KIAA0232: variants seen among roughly 807,000 people sequenced by gnomAD.
The protein encoded by KIAA0232 is uncharacterized protein KIAA0232.
KIAA0232 carries 27 observed loss-of-function variants against 122.0 expected under a neutral mutation model. The observed-to-expected ratio is 0.22, with a 90% CI of 0.16 to 0.31. The LOEUF (loss-of-function observed/expected upper bound fraction) is 0.31. KIAA0232 is among the 10% of genes least tolerant of loss of function. KIAA0232 has a pLI of 1.00. For missense variants in KIAA0232, 1,551 were observed against 1,634.2 expected, an observed-to-expected ratio of 0.95 and a Z score of 0.88; for synonymous variants, 613 against 587.6, an observed-to-expected ratio of 1.04 and a Z score of -0.63.
At chr4:6,874,501 C>A (rs1052223820) in intron 8 of KIAA0232, among the ~76,000 whole-genome samples, 1 of 152,178 alleles carries the variant, frequency 6.6e-6, no homozygotes, top group African/African-American at 2.4e-5. Flanking sequence ...AGTGCCGTCC[C>A]AAACAGCAGT....
chr4:6,878,528 A>T (rs1289363796), intron 9 of KIAA0232, among the ~76,000 whole-genome samples: 6 of 152,132 alleles, frequency 3.9e-5, no homozygotes, highest in African/African-American at 7.2e-5. Flanking sequence ...AGGAGGAAAT[A>T]CTCCTCAAGA....
intron 4 of KIAA0232, among the ~76,000 whole-genome samples, chr4:6,847,872 A>G (rs1158200966): frequency 6.6e-6 from 1 of 151,430 alleles, no homozygotes; most frequent in Non-Finnish European, 1.5e-5. Flanking sequence ...TAAAAAAAAA[A>G]ACTACTTATA....
At chr4:6,843,414 T>C (rs556273249) in intron 4 of KIAA0232, among the ~76,000 whole-genome samples, 1 of 152,240 alleles carries the variant, frequency 6.6e-6, no homozygotes, top group African/African-American at 2.4e-5. Context: ...CTGCCACTGA[T>C]GCAAACGGTT....
intron 4 of KIAA0232, 133 bp from the exon 5 acceptor site, chr4:6,857,031 C>T (rs1047749421): frequency 1.6e-5 from 9 of 548,444 alleles, no homozygotes; most frequent in Admixed American, 3.9e-5. Context: ...GTAGTATTCA[C>T]GTAAATATTG....
intron 9 of KIAA0232, among the ~76,000 whole-genome samples, chr4:6,877,205 T>G (rs1721803015): frequency 1.3e-5 from 2 of 152,126 alleles, no homozygotes; most frequent in South Asian, 4.1e-4. Flanking sequence ...TGCAGAACGA[T>G]CCCGCCCTTT....
intron 7 of KIAA0232, among the ~76,000 whole-genome samples, chr4:6,866,529 A>G (rs1015983770): frequency 6.6e-6 from 1 of 152,162 alleles, no homozygotes; most frequent in Non-Finnish European, 1.5e-5. Context: ...GTTCTGTCAC[A>G]TTGCTTGGTC....
chr4:6,798,213 C>A (rs1717221657), intron 1 of KIAA0232, among the ~76,000 whole-genome samples: 1 of 152,180 alleles, frequency 6.6e-6, no homozygotes. Context: ...AAATACCTGT[C>A]TAAATTTCTT....
rs1171508742 is a variant in KIAA0232 at position 6,862,260 on chromosome 4, C to A, written c.1878C>A (p.His626Gln). 25 of 1,614,204 alleles carry A rather than the reference C, an allele frequency of 1.5e-5. No individual in the cohort carries two copies. Among genetic ancestry groups the A allele is most frequent in the Non-Finnish European group, 1.9e-5 (23 of 1,180,036 alleles). Residue 626 changes from histidine to glutamine, a missense_variant, in exon 7 of 10, where the codon CAC becomes CAA. Physicochemically the swap from His to Gln is conservative, Grantham distance 24. Coordinates refer to ENST00000307659, the MANE Select transcript of KIAA0232 (RefSeq NM_014743.3). The part of the protein sequence containing the change: ...PILDSTVLNS[H>Q]LLAGNQELFS... Reference sequence around the variant, plus strand: ...TAGACAGCACAGTGCTCAATTCACACCTGCTTGCTGGCAATCAAGAGCTCT... The same window carrying A: ...TAGACAGCACAGTGCTCAATTCACAACTGCTTGCTGGCAATCAAGAGCTCT...
chr4:6,806,639 C>T (rs1004589574), intron 2 of KIAA0232, among the ~76,000 whole-genome samples: 1 of 141,436 alleles, frequency 7.1e-6, no homozygotes, highest in Non-Finnish European at 1.5e-5. Flanking sequence ...GAGGCTGAGG[C>T]AGGAGAATGG....
intron 2 of KIAA0232, among the ~76,000 whole-genome samples, chr4:6,821,339 A>G (rs1456192655): frequency 6.6e-6 from 1 of 151,972 alleles, no homozygotes; most frequent in Non-Finnish European, 1.5e-5. Flanking sequence ...CATACACTCT[A>G]CCCAGTTTGT....
chr4:6,784,036 CT>C (rs975291516), intron 1 of KIAA0232, among the ~76,000 whole-genome samples: 9 of 152,134 alleles, frequency 5.9e-5, no homozygotes, highest in Middle Eastern at 3.4e-3. Context: ...GCAGAACTGT[CT>C]TGATTTCTTT....
intron 4 of KIAA0232, among the ~76,000 whole-genome samples, chr4:6,849,312 T>A (rs1192500274): frequency 6.6e-6 from 1 of 152,106 alleles, no homozygotes; most frequent in African/African-American, 2.4e-5. Flanking sequence ...AGGGTTTTGA[T>A]CTGAGCAACT....
rs576610631 is a variant in KIAA0232 at position 6,796,256 on chromosome 4, T to G, written c.-353-8267T>G. Among the ~76,000 whole-genome samples, 6 of 152,296 alleles carry G rather than the reference T, an allele frequency of 3.9e-5. No individual in the cohort carries two copies. In the South Asian group the frequency reaches 1.2e-3, roughly 32 times the overall value. ...CCTTCCCTATATTGTTCTTTTTTTT[T>G]TTGGAGACAGAGTCTTGTTCTGTCA... On this transcript the variant is annotated intron_variant, in intron 1 of 9. Coordinates refer to ENST00000307659, the MANE Select transcript of KIAA0232 (RefSeq NM_014743.3).
At chr4:6,838,086 C>A (rs189758803) in intron 3 of KIAA0232, among the ~76,000 whole-genome samples, 136 of 152,208 alleles carry the variant, frequency 8.9e-4, no homozygotes, top group Non-Finnish European at 6.0e-4. Context: ...TGTAGTGTTG[C>A]ATTTGAGAGT....
rs1388568918 is a variant in KIAA0232 at position 6,855,925 on chromosome 4, GT to G, written c.370-1236del. The G allele has an allele frequency of 4.4e-6, 4 of 900,074 alleles. No homozygotes were observed. The highest frequency in any genetic ancestry group is 5.7e-4 in the Middle Eastern group (1 of 1,760). The allele number at this position is 900,074 out of a possible 1,614,324, so 55.8% of individuals were successfully genotyped here. A position where few individuals can be genotyped will look rare whatever the true frequency, so the allele number is the denominator to read the frequency against. On this transcript the variant is annotated intron_variant, in intron 4 of 9. Coordinates refer to ENST00000307659, the MANE Select transcript of KIAA0232 (RefSeq NM_014743.3). This position sits in a 1 kb window ranked among gnomAD's most constrained non-coding sequence, Gnocchi z 4.3. ...TAAGCAGGTGCTTTCTGGTGCAACT[GT>G]TTGTGGTTGAACAGTGTTTATGACT...
chr4:6,815,428 A>G (rs1027520720), intron 2 of KIAA0232, among the ~76,000 whole-genome samples: 2 of 152,144 alleles, frequency 1.3e-5, no homozygotes, highest in African/African-American at 4.8e-5. Context: ...CCCTCTACCA[A>G]AGGCTTGCTG....
chr4:6,863,243 C>A lies in KIAA0232; in HGVS notation c.2861C>A (p.Thr954Lys), dbSNP rs1382661958. The change falls in exon 7 of 10, where the codon ACA (threonine) becomes AAA (lysine). Residue 954 changes from threonine to lysine, a missense_variant. Thr to Lys is a moderately conservative substitution (Grantham distance 78, BLOSUM62 -1). Transcript: ENST00000307659. ...TGGGCAGTCGTACCACCTAGTCACACAAAAGGAAGTCTGTTACAGTGTGCA... is the reference window on the plus strand; with the variant it reads ...TGGGCAGTCGTACCACCTAGTCACAAAAAAGGAAGTCTGTTACAGTGTGCA... Reference protein sequence around the residue: ...GEWAVVPPSHTKGSLLQCAAS... With the variant: ...GEWAVVPPSHKKGSLLQCAAS... 6.2e-7 allele frequency: 1 copy of A among 1,613,888 alleles called. No homozygotes were observed. The highest frequency in any genetic ancestry group is 1.3e-5 in the African/African-American group (1 of 74,918).
rs537861333 is a variant in KIAA0232, at chr4:6,855,585, CAT to C, written c.370-1574_370-1573del. Among the ~76,000 whole-genome samples the C allele has an allele frequency of 7.8e-4, 118 of 152,016 alleles. No homozygotes were observed. The highest frequency in any genetic ancestry group is 1.9e-3 in the African/African-American group (79 of 41,418). Reference sequence around the variant, plus strand: ...CACTCATATAGTATACATATTTACTCATATATTAATAAATATATGTGTGTATA... The same window carrying C: ...CACTCATATAGTATACATATTTACTCATATTAATAAATATATGTGTGTATA... On this transcript the variant is annotated intron_variant, in intron 4 of 9. Coordinates refer to ENST00000307659, the MANE Select transcript of KIAA0232 (RefSeq NM_014743.3). The surrounding 1 kb of genome is among the most constrained non-coding windows in gnomAD (Gnocchi z 4.3).
chr4:6,880,937 G>A lies in KIAA0232; in HGVS notation c.4159G>A (p.Glu1387Lys). The A allele has an allele frequency of 6.4e-7, 1 of 1,574,558 alleles. No homozygotes were observed. The highest frequency in any genetic ancestry group is 8.6e-7 in the Non-Finnish European group (1 of 1,159,724). Residue 1387 changes from glutamate to lysine, a missense_variant, in exon 10 of 10, where the codon GAG becomes AAG. This residue lies in a region of KIAA0232 where 1,108 missense variants were observed against 1,154.8 expected (regional missense o/e 0.96). Coordinates refer to ENST00000307659, the MANE Select transcript of KIAA0232 (RefSeq NM_014743.3). The stretch of plus-strand genomic sequence containing the variant: ...AGGCGAGTGGGTGGGCCCTAGTGAA[G>A]AGGAGCTCTTTTCTCGAACTCATCT... ...GGGEWVGPSEEELFSRTHL is the reference protein window; with the variant it reads ...GGGEWVGPSEKELFSRTHL
Sources: allele counts gnomAD v4.1 joint callset (sites outside exome capture counted in the v4.1 genomes callset), GRCh38; gene constraint gnomAD v4.1.1; regional missense constraint gnomAD v4.1.1; non-coding constraint Gnocchi (gnomAD v3.1); transcripts MANE v1.5; gene names NCBI Gene and HGNC (gene_info 2026-07-23, HGNC 2026-07-21).